ASPRV1: variants seen among roughly 807,000 people sequenced by gnomAD.
ASPRV1 encodes the protein aspartic peptidase retroviral like 1, also known as retroviral-like aspartic protease 1.
A neutral mutation model predicts 11.0 loss-of-function variants in ASPRV1; 7 were observed. The observed-to-expected ratio is 0.64, with a 90% CI of 0.36 to 1.20. The LOEUF (loss-of-function observed/expected upper bound fraction) is 1.20. Ranked by LOEUF, ASPRV1 falls within the 50% of genes most tolerant of loss-of-function variation. The pLI is 0.02. For missense variants in ASPRV1, 299 were observed against 320.0 expected, an observed-to-expected ratio of 0.93 and a Z score of 0.50; for synonymous variants, 136 against 138.4, an observed-to-expected ratio of 0.98 and a Z score of 0.12.
the ASPRV1 span, chr2:69,975,765 G>C: frequency 6.6e-6 from 1 of 152,324 alleles, no homozygotes; most frequent in African/African-American, 2.4e-5. Context: ...TGGAAGGCCA[G>C]GCAGAGCTGC....
At chr2:70,083,432 G>C in the ASPRV1 span, 1 of 152,228 alleles carries the variant, frequency 6.6e-6, no homozygotes, top group African/African-American at 2.4e-5. Flanking sequence ...CTTAACATAA[G>C]AGGAAGCAAC....
the ASPRV1 span, among the ~76,000 whole-genome samples, chr2:69,994,761 G>A: frequency 6.6e-6 from 1 of 152,142 alleles, no homozygotes; most frequent in South Asian, 2.1e-4. Flanking sequence ...ACTTTGGGAG[G>A]CCGAGGAGGG....
At chr2:70,079,354 G>GA in the ASPRV1 span, among the ~76,000 whole-genome samples, 2 of 152,136 alleles carry the variant, frequency 1.3e-5, no homozygotes, top group South Asian at 4.1e-4. Context: ...GTGGGTACCT[G>GA]TAGTACTAGC....
the ASPRV1 span, among the ~76,000 whole-genome samples, chr2:70,068,359 A>C: frequency 6.6e-6 from 1 of 152,226 alleles, no homozygotes; most frequent in Non-Finnish European, 1.5e-5. Context: ...AGTGGGTTGA[A>C]GAAAGAGCTA....
chr2:69,971,820 C>T, the ASPRV1 span, among the ~76,000 whole-genome samples: 32 of 152,212 alleles, frequency 2.1e-4, no homozygotes, highest in South Asian at 6.1e-3. Flanking sequence ...GGTGCCTCTG[C>T]GCAGTCTTTG....
chr2:70,034,547 G>A, the ASPRV1 span, among the ~76,000 whole-genome samples: 2 of 151,676 alleles, frequency 1.3e-5, no homozygotes, highest in Admixed American at 6.6e-5. Flanking sequence ...CTTGAGCCTG[G>A]GCGACAGAGC....
chr2:69,949,640 T>C, the ASPRV1 span, among the ~76,000 whole-genome samples: 1 of 152,114 alleles, frequency 6.6e-6, no homozygotes, highest in South Asian at 2.1e-4. Flanking sequence ...AAATTAGAAT[T>C]TTAATGCAGC....
chr2:70,023,651 G>A, the ASPRV1 span, among the ~76,000 whole-genome samples: 1 of 147,864 alleles, frequency 6.8e-6, no homozygotes, highest in East Asian at 2.0e-4. Flanking sequence ...TCCAGCCTGG[G>A]CAACGGAGCA....
the ASPRV1 span, among the ~76,000 whole-genome samples, chr2:70,038,107 A>G: frequency 6.6e-6 from 1 of 152,128 alleles, no homozygotes; most frequent in Non-Finnish European, 1.5e-5. Context: ...ATATCCTCCT[A>G]TTTTTCCTCC....
At chr2:70,069,642 C>A in the ASPRV1 span, among the ~76,000 whole-genome samples, 2 of 152,158 alleles carry the variant, frequency 1.3e-5, no homozygotes, top group East Asian at 3.8e-4. Flanking sequence ...AATTTTATCT[C>A]TTCTTCCTTC....
rs139486708 is a variant in ASPRV1 at position 69,960,595 on chromosome 2, AC to A, written c.*61del. On this transcript the variant is annotated 3_prime_UTR_variant, in exon 1 of 1. Coordinates refer to ENST00000320256, the MANE Select transcript of ASPRV1 (RefSeq NM_152792.4). ...CCAGTGACCCCCATGAGGATATGCA[AC>A]CCCCCCCACAGCGGTGGGTCTTCCC... 52 of 1,497,980 alleles carry A rather than the reference AC, an allele frequency of 3.5e-5. No homozygotes were observed. The highest frequency in any genetic ancestry group is 4.6e-5 in the East Asian group (2 of 43,678). 92.8% of individuals were successfully genotyped at this position (1,497,980 alleles called of 1,614,324 possible).
chr2:70,085,654 A>G, the ASPRV1 span: 1 of 152,044 alleles, frequency 6.6e-6, no homozygotes, highest in Admixed American at 6.5e-5. Flanking sequence ...AGAGAGAGAG[A>G]TAAGAACACC....
At chr2:69,950,426 G>A in the ASPRV1 span, among the ~76,000 whole-genome samples, 1 of 152,168 alleles carries the variant, frequency 6.6e-6, no homozygotes, top group Non-Finnish European at 1.5e-5. Flanking sequence ...TATGTTTTGT[G>A]TCTGACTTCT....
chr2:70,019,806 TAGAC>T, the ASPRV1 span, among the ~76,000 whole-genome samples: 2 of 152,116 alleles, frequency 1.3e-5, no homozygotes, highest in African/African-American at 4.8e-5. Flanking sequence ...CAAAATTTGT[TAGAC>T]AGGAGGAACA....
At chr2:70,022,007 AC>A in the ASPRV1 span, among the ~76,000 whole-genome samples, 1 of 148,470 alleles carries the variant, frequency 6.7e-6, no homozygotes, top group Non-Finnish European at 1.5e-5. Context: ...CCCAGCCAAT[AC>A]ATTTTGTTTT....
chr2:70,021,320 C>CTTTTTTTTTTTTTTTT, the ASPRV1 span, among the ~76,000 whole-genome samples: 1 of 137,632 alleles, frequency 7.3e-6, no homozygotes, highest in Non-Finnish European at 1.6e-5. Context: ...TGAATAAATT[C>CTTTTTTTTTTTTTTTT]TTTTTTTTTT....
the ASPRV1 span, among the ~76,000 whole-genome samples, chr2:70,011,375 C>T: frequency 1.3e-5 from 2 of 152,086 alleles, no homozygotes; most frequent in Non-Finnish European, 2.9e-5. Context: ...AAGACCCTTG[C>T]AATCGTTTAG....
At chr2:70,040,438 C>T in the ASPRV1 span, among the ~76,000 whole-genome samples, 3 of 152,100 alleles carry the variant, frequency 2.0e-5, no homozygotes, top group East Asian at 1.9e-4. Context: ...TCACCCAGGC[C>T]GGAGTGCAAT....
At chr2:70,082,668 C>G in the ASPRV1 span, among the ~76,000 whole-genome samples, 1 of 152,192 alleles carries the variant, frequency 6.6e-6, no homozygotes, top group East Asian at 1.9e-4. Flanking sequence ...CAGGATCGCG[C>G]CACTGCACTC....
Sources: gnomAD v4.1 joint callset for allele counts (sites outside exome capture counted in the v4.1 genomes callset) on GRCh38, gnomAD v4.1.1 for gene constraint, MANE v1.5 for transcripts, NCBI Gene and HGNC (gene_info 2026-07-23, HGNC 2026-07-21) for gene names.